SPOCK3: variants seen among roughly 807,000 people sequenced by gnomAD.
SPOCK3 encodes SPARC (osteonectin), cwcv and kazal like domains proteoglycan 3.
SPOCK3 carries 30 observed loss-of-function variants against 56.6 expected under a neutral mutation model. That is an observed-to-expected ratio of 0.53 (90% confidence interval 0.40 to 0.72). The LOEUF (loss-of-function observed/expected upper bound fraction) is 0.72, where lower values mean the gene tolerates loss of function less well. Among genes scored for constraint, SPOCK3 ranks in the 30% least tolerant of loss-of-function variants. SPOCK3 has a pLI of 0.00. For missense variants in SPOCK3, 527 were observed against 530.0 expected (o/e 0.99, Z 0.06); for synonymous variants, 196 against 183.3 (o/e 1.07, Z -0.56).
chr4:167,203,170 T>A (rs1486781051), intron 2 of SPOCK3, among the ~76,000 whole-genome samples: 1 of 151,976 alleles, frequency 6.6e-6, no homozygotes, highest in Non-Finnish European at 1.5e-5. Context: ...TACTTACTGA[T>A]TTTTTTAGTA....
At chr4:166,820,594 T>C (rs145768988) in intron 6 of SPOCK3, among the ~76,000 whole-genome samples, 3 of 151,886 alleles carry the variant, frequency 2.0e-5, no homozygotes, top group African/African-American at 4.8e-5. Context: ...GAGGCCGAGG[T>C]TGAGTGAATC....
intron 2 of SPOCK3, among the ~76,000 whole-genome samples, chr4:167,207,716 A>G (rs963825157): frequency 1.3e-5 from 2 of 152,166 alleles, no homozygotes; most frequent in African/African-American, 4.8e-5. Flanking sequence ...ATATGCAATT[A>G]TAAGTTTTGG....
intron 1 of SPOCK3, 24 bp from the exon 2 acceptor site, chr4:167,234,197 G>T (rs1313922033): frequency 2.5e-6 from 4 of 1,611,034 alleles, no homozygotes; most frequent in Non-Finnish European, 3.4e-6. Flanking sequence ...CACAACGGGG[G>T]GTGGGGGGGC....
intron 2 of SPOCK3, among the ~76,000 whole-genome samples, chr4:167,078,829 T>G (rs1003871351): frequency 1.3e-5 from 2 of 151,912 alleles, no homozygotes; most frequent in African/African-American, 4.8e-5. Flanking sequence ...TATTGCTTAT[T>G]GATTTACTCA....
At chr4:167,018,148 A>G (rs1207726336) in intron 3 of SPOCK3, among the ~76,000 whole-genome samples, 2 of 152,128 alleles carry the variant, frequency 1.3e-5, no homozygotes, top group Non-Finnish European at 2.9e-5. Context: ...TGATTAATAG[A>G]GTACAAGTAT....
At chr4:166,992,388 T>C (rs988223591) in intron 4 of SPOCK3, among the ~76,000 whole-genome samples, 1 of 152,208 alleles carries the variant, frequency 6.6e-6, no homozygotes, top group African/African-American at 2.4e-5. Context: ...CCCTTTTCTA[T>C]GTAGCTAATA....
intron 7 of SPOCK3, among the ~76,000 whole-genome samples, chr4:166,772,271 A>G (rs772209873): frequency 7.2e-5 from 11 of 152,132 alleles, no homozygotes; most frequent in Non-Finnish European, 1.6e-4. Flanking sequence ...TACATAAAAT[A>G]TATGTTTAAA....
At chr4:167,061,141 C>T (rs1013458497) in intron 3 of SPOCK3, among the ~76,000 whole-genome samples, 14 of 151,920 alleles carry the variant, frequency 9.2e-5, no homozygotes, top group Non-Finnish European at 2.9e-5. Context: ...CAATTCAACA[C>T]ATTGTCATGC....
At chr4:166,999,783 G>A (rs1279880020) in intron 4 of SPOCK3, among the ~76,000 whole-genome samples, 2 of 152,078 alleles carry the variant, frequency 1.3e-5, no homozygotes, top group Admixed American at 1.3e-4. Context: ...CAGAAGCAGT[G>A]CTGGTTGTTA....
At chr4:166,929,839 A>G (rs530193066) in intron 4 of SPOCK3, among the ~76,000 whole-genome samples, 1 of 152,340 alleles carries the variant, frequency 6.6e-6, no homozygotes, top group South Asian at 2.1e-4. Flanking sequence ...AGTCTAATAC[A>G]TGTGAGAACA....
rs542283071 is a variant in SPOCK3 at position 166,853,230 on chromosome 4, A to G, written c.589+35900T>C. On this transcript the variant is annotated intron_variant, in intron 6 of 10. Coordinates refer to ENST00000357545, the MANE Select transcript of SPOCK3 (RefSeq NM_001040159.2). ...AAATTTATTCAACACAAAAAACAGT[A>G]ATAGAAGAAGAACTAAAACTGGTAA... 5.9e-5 allele frequency among the ~76,000 whole-genome samples: 9 copies of G among 152,328 alleles called. No homozygotes were observed. In the East Asian group the frequency reaches 1.7e-3, roughly 29 times the overall value.
chr4:167,134,582 T>TA (rs1402643816), intron 2 of SPOCK3, among the ~76,000 whole-genome samples: 2 of 152,144 alleles, frequency 1.3e-5, no homozygotes, highest in Non-Finnish European at 2.9e-5. Context: ...TTCTAAAACT[T>TA]AAAGTATAAT....
At chr4:167,061,142 A>G (rs555934602) in intron 3 of SPOCK3, among the ~76,000 whole-genome samples, 1 of 151,988 alleles carries the variant, frequency 6.6e-6, no homozygotes, top group African/African-American at 2.4e-5. Context: ...AATTCAACAC[A>G]TTGTCATGCA....
At chr4:166,947,139 C>T (rs549726831) in intron 4 of SPOCK3, among the ~76,000 whole-genome samples, 2 of 152,072 alleles carry the variant, frequency 1.3e-5, no homozygotes, top group East Asian at 3.9e-4. Context: ...CTTATTTGTG[C>T]TTCTGAAATA....
At chr4:167,195,563 G>T (rs1732861785) in intron 2 of SPOCK3, among the ~76,000 whole-genome samples, 1 of 152,198 alleles carries the variant, frequency 6.6e-6, no homozygotes, top group South Asian at 2.1e-4. Flanking sequence ...CTCCTAGACT[G>T]GGACTGAGAC....
intron 3 of SPOCK3, among the ~76,000 whole-genome samples, chr4:167,035,847 T>G (rs905775156): frequency 6.6e-6 from 1 of 152,192 alleles, no homozygotes; most frequent in African/African-American, 2.4e-5. Context: ...TATCAGGAGT[T>G]CCACAATTAC....
intron 4 of SPOCK3, among the ~76,000 whole-genome samples, chr4:166,958,461 C>T (rs1355739977): frequency 6.6e-6 from 1 of 152,182 alleles, no homozygotes; most frequent in Non-Finnish European, 1.5e-5. Context: ...CTAATCTGGA[C>T]TAAGCCATTG....
chr4:167,127,401 G>A (rs1455477596), intron 2 of SPOCK3, among the ~76,000 whole-genome samples: 1 of 150,830 alleles, frequency 6.6e-6, no homozygotes, highest in Non-Finnish European at 1.5e-5. Flanking sequence ...CACCTAAAAG[G>A]TTGTTGGGGA....
At chr4:167,003,112 C>T (rs185445598) in intron 3 of SPOCK3, among the ~76,000 whole-genome samples, 90 of 152,006 alleles carry the variant, frequency 5.9e-4, no homozygotes, top group Admixed American at 1.5e-3. Flanking sequence ...AATCTGCATT[C>T]GATAATTTCC....
Sources: allele counts gnomAD v4.1 joint callset (sites outside exome capture counted in the v4.1 genomes callset), GRCh38; gene constraint gnomAD v4.1.1; transcripts MANE v1.5; gene names NCBI Gene and HGNC (gene_info 2026-07-23, HGNC 2026-07-21).